Variants in XKR9 observed in about 807,000 individuals in gnomAD.
XKR9 encodes XK related 9.
Under a neutral mutation model 32.0 loss-of-function variants are expected in XKR9, and 32 were observed. The observed-to-expected ratio is 1.00, with a 90% CI of 0.76 to 1.34. The LOEUF (loss-of-function observed/expected upper bound fraction) is 1.34, where lower values mean the gene tolerates loss of function less well. Among genes scored for constraint, XKR9 ranks in the 40% most tolerant of loss-of-function variants. XKR9 has a pLI of 0.00. For synonymous variants in XKR9, 168 were observed against 143.4 expected (o/e 1.17, Z -1.22); for missense variants, 546 against 429.7 (o/e 1.27, Z -2.39).
At chr8:70,770,166 T>A (rs1319721573) in intron 2 of XKR9, among the ~76,000 whole-genome samples, 1 of 152,210 alleles carries the variant, frequency 6.6e-6, no homozygotes, top group African/African-American at 2.4e-5. Context: ...TATTGCTTTC[T>A]GTTTGCTAGT....
intron 4 of XKR9, among the ~76,000 whole-genome samples, chr8:70,721,692 T>C (rs1466258023): frequency 6.6e-6 from 1 of 152,210 alleles, no homozygotes; most frequent in Admixed American, 6.5e-5. Flanking sequence ...TCCATTCTTT[T>C]GCATTTCCTG....
At position 70,681,329 on chromosome 8, in the gene XKR9, A is replaced by G. The variant is rs763509566; in HGVS notation, c.271A>G (p.Arg91Gly). Residue 91 changes from arginine to glycine, a missense_variant and splice_region_variant, in exon 3 of 5, where the codon AGG (arginine) becomes GGG (glycine). Transcript: ENST00000408926. ...TTGCTTGCAAGGAGGAGTTTTTACAAGGTGAGCATACATGTTTAATCATTA... is the reference window on the plus strand; with the variant it reads ...TTGCTTGCAAGGAGGAGTTTTTACAGGGTGAGCATACATGTTTAATCATTA... ...LHCLQGGVFT[R>G]YWFALKRGYH... 1.9e-6 allele frequency: 3 copies of G among 1,610,770 alleles called. No homozygotes were observed. Among genetic ancestry groups the G allele is most frequent in the Non-Finnish European group, 2.5e-6 (3 of 1,178,616 alleles).
chr8:70,680,540 A>G (rs1479511922), intron 2 of XKR9, among the ~76,000 whole-genome samples: 1 of 152,106 alleles, frequency 6.6e-6, no homozygotes, highest in Non-Finnish European at 1.5e-5. Context: ...GTTTGCCACT[A>G]TAAATAGTCG....
chr8:70,698,131 A>T (rs1259689962), intron 3 of XKR9, among the ~76,000 whole-genome samples: 1 of 151,734 alleles, frequency 6.6e-6, no homozygotes. Context: ...CTTTCAAAAA[A>T]CCAGCTCCTG....
At chr8:70,814,299 G>A in the XKR9 span, among the ~76,000 whole-genome samples, 4 of 152,026 alleles carry the variant, frequency 2.6e-5, no homozygotes, top group Non-Finnish European at 5.9e-5. Context: ...TTGTGGGGTG[G>A]GGGAAAGGGG....
chr8:70,762,757 C>T (rs1450244211), intron 2 of XKR9, among the ~76,000 whole-genome samples: 1 of 152,040 alleles, frequency 6.6e-6, no homozygotes, highest in Non-Finnish European at 1.5e-5. Context: ...CCACTGATGT[C>T]CTAAAGATAA....
chr8:70,950,410 G>A, the XKR9 span, among the ~76,000 whole-genome samples: 149 of 152,188 alleles, frequency 9.8e-4, no homozygotes, highest in African/African-American at 3.5e-3. Flanking sequence ...CATTATCTAG[G>A]CAAAGAGGGG....
At chr8:70,762,049 T>C (rs1394799206) in intron 2 of XKR9, among the ~76,000 whole-genome samples, 2 of 152,150 alleles carry the variant, frequency 1.3e-5, no homozygotes, top group African/African-American at 4.8e-5. Flanking sequence ...TCTGTTCCAT[T>C]GGTCTACGTG....
the XKR9 span, among the ~76,000 whole-genome samples, chr8:70,952,229 T>A: frequency 6.6e-6 from 1 of 152,148 alleles, no homozygotes; most frequent in Non-Finnish European, 1.5e-5. Context: ...CTACTCTTTT[T>A]GTTTATACAG....
chr8:70,853,831 T>C, the XKR9 span, among the ~76,000 whole-genome samples: 1 of 152,186 alleles, frequency 6.6e-6, no homozygotes, highest in Non-Finnish European at 1.5e-5. Flanking sequence ...TCCAGCTTCA[T>C]CCATGTCCCT....
At chr8:70,953,062 T>G in the XKR9 span, among the ~76,000 whole-genome samples, 1 of 152,272 alleles carries the variant, frequency 6.6e-6, no homozygotes, top group Admixed American at 6.5e-5. Context: ...GAGGACAGAT[T>G]AAAAATTAAA....
chr8:71,048,858 T>A, the XKR9 span, among the ~76,000 whole-genome samples: 1 of 152,236 alleles, frequency 6.6e-6, no homozygotes, highest in Non-Finnish European at 1.5e-5. Context: ...GAGTTACAAC[T>A]CTTAATCCAA....
intron 2 of XKR9, among the ~76,000 whole-genome samples, chr8:70,753,724 G>C (rs1807176298): frequency 6.6e-6 from 1 of 151,870 alleles, no homozygotes; most frequent in Non-Finnish European, 1.5e-5. Flanking sequence ...AACGCTTCAT[G>C]CTAAAAACTC....
chr8:70,898,407 A>T, the XKR9 span, among the ~76,000 whole-genome samples: 1 of 151,994 alleles, frequency 6.6e-6, no homozygotes, highest in Non-Finnish European at 1.5e-5. Flanking sequence ...CTGGGTCTTT[A>T]GTGGTTCCAT....
the XKR9 span, among the ~76,000 whole-genome samples, chr8:70,987,992 G>T: frequency 6.6e-6 from 1 of 151,874 alleles, no homozygotes; most frequent in African/African-American, 2.4e-5. Context: ...GCTCTACGTT[G>T]GCCCCTTTCA....
rs60561050 is a variant in XKR9, at chr8:70,692,793, T to C, written c.272+11463T>C. 6.2e-3 allele frequency among the ~76,000 whole-genome samples: 937 copies of C among 152,140 alleles called. 14 individuals are homozygous for C. The highest frequency in any genetic ancestry group is 0.022 in the African/African-American group (895 of 41,516). On this transcript the variant is annotated intron_variant, in intron 3 of 4. Coordinates refer to ENST00000408926, the MANE Select transcript of XKR9 (RefSeq NM_001011720.2). Reference sequence around the variant, plus strand: ...CGGGGTTTCACCATGTTGGCCAGGGTGGTCTCAAACTCCCGACCTCAGGTG... The same window carrying C: ...CGGGGTTTCACCATGTTGGCCAGGGCGGTCTCAAACTCCCGACCTCAGGTG...
chr8:70,789,760 G>C (rs912700262), intron 3 of XKR9, among the ~76,000 whole-genome samples: 7 of 151,690 alleles, frequency 4.6e-5, no homozygotes, highest in African/African-American at 1.7e-4. Context: ...AAAAAGCAAA[G>C]TCATCTTGTG....
Position 70,670,175 on chromosome 8 carries a change from C to A in XKR9, c.-361+637C>A, listed in dbSNP as rs149481811. ...TCTGCGTGTGCGGCCTTGCTCCTAC[C>A]TGCCTCGCACTAACACTTGTCCCCC... is the stretch of plus-strand genomic sequence containing the variant. On this transcript the variant is annotated intron_variant, in intron 1 of 4. Coordinates refer to ENST00000408926, the MANE Select transcript of XKR9 (RefSeq NM_001011720.2). Among the ~76,000 whole-genome samples, 191 of 152,300 alleles carry A rather than the reference C, an allele frequency of 1.3e-3. 1 individual carries two copies. Among genetic ancestry groups the A allele is most frequent in the African/African-American group, 4.5e-3 (188 of 41,556 alleles).
At chr8:70,732,677 A>T (rs1461386186) in intron 4 of XKR9, among the ~76,000 whole-genome samples, 2 of 152,192 alleles carry the variant, frequency 1.3e-5, no homozygotes, top group Non-Finnish European at 2.9e-5. Flanking sequence ...TTATTACTGA[A>T]ATCAGTCTCC....
Sources: gnomAD v4.1 joint callset for allele counts (sites outside exome capture counted in the v4.1 genomes callset) on GRCh38, gnomAD v4.1.1 for gene constraint, MANE v1.5 for transcripts, NCBI Gene and HGNC (gene_info 2026-07-23, HGNC 2026-07-21) for gene names.